Variants in BDNF observed in about 807,000 individuals in gnomAD.
BDNF encodes neurotrophic factor BDNF precursor form.
BDNF carries 1 observed loss-of-function variant against 19.5 expected under a neutral mutation model. That is an observed-to-expected ratio of 0.05 (90% CI 0.02 to 0.24). The LOEUF is 0.24. BDNF is among the 10% of genes least tolerant of loss of function. The probability of loss-of-function intolerance (pLI) is 1.00; values close to 1 mark genes in which losing one functional copy is unlikely to be tolerated. For missense variants in BDNF, 195 were observed against 317.6 expected (o/e 0.61, Z 2.93); for synonymous variants, 100 against 121.6 (o/e 0.82, Z 1.17).
At chr11:27,697,001 C>T (rs1859086855) in intron 1 of BDNF, among the ~76,000 whole-genome samples, 1 of 152,120 alleles carries the variant, frequency 6.6e-6, no homozygotes, top group Non-Finnish European at 1.5e-5. Flanking sequence ...TAATAAACTA[C>T]TTGAACATGA....
chr11:27,680,282 T>C (rs1022973614), intron 1 of BDNF, among the ~76,000 whole-genome samples: 1 of 152,072 alleles, frequency 6.6e-6, no homozygotes, highest in East Asian at 1.9e-4. Context: ...AAAAAGAGAA[T>C]GAAAAGAGGG....
intron 1 of BDNF, among the ~76,000 whole-genome samples, chr11:27,689,454 A>G (rs1857957261): frequency 6.6e-6 from 1 of 152,232 alleles, no homozygotes; most frequent in Non-Finnish European, 1.5e-5. Context: ...CATTTGGACA[A>G]GATTATTATT....
intron 1 of BDNF, among the ~76,000 whole-genome samples, chr11:27,695,882 A>G (rs1006191946): frequency 2.0e-5 from 3 of 151,956 alleles, no homozygotes; most frequent in African/African-American, 7.3e-5. Flanking sequence ...TAGAGCTTCT[A>G]CTTGAACTTA....
chr11:27,661,178 A>G (rs759272635), intron 1 of BDNF, among the ~76,000 whole-genome samples: 5 of 152,308 alleles, frequency 3.3e-5, no homozygotes, highest in South Asian at 2.1e-4. Flanking sequence ...ACAAAGTCCA[A>G]CCCCACATTG....
chr11:27,684,865 T>G (rs542198150), intron 1 of BDNF, among the ~76,000 whole-genome samples: 6 of 152,314 alleles, frequency 3.9e-5, no homozygotes, highest in African/African-American at 1.4e-4. Flanking sequence ...ATTTTATTTT[T>G]TTGCTGTGTC....
chr11:27,683,634 T>G (rs192329391), intron 1 of BDNF, among the ~76,000 whole-genome samples: 1 of 152,332 alleles, frequency 6.6e-6, no homozygotes, highest in African/African-American at 2.4e-5. Flanking sequence ...GGCTAGCCAG[T>G]TTTCCCGACA....
At chr11:27,705,272 T>A (rs1326224928), upstream of BDNF, among the ~76,000 whole-genome samples, 1 of 152,122 alleles carries the variant, frequency 6.6e-6, no homozygotes, top group African/African-American at 2.4e-5. Context: ...TAAATAGCTG[T>A]GGTATTAGTT....
intron 1 of BDNF, among the ~76,000 whole-genome samples, chr11:27,671,997 C>T (rs915510348): frequency 6.6e-6 from 1 of 152,152 alleles, no homozygotes; most frequent in Admixed American, 6.6e-5. Flanking sequence ...ATACGGTTAC[C>T]TGTCATCTTT....
At chr11:27,670,942 A>T (rs1354251792) in intron 1 of BDNF, among the ~76,000 whole-genome samples, 1 of 152,248 alleles carries the variant, frequency 6.6e-6, no homozygotes, top group Non-Finnish European at 1.5e-5. Context: ...ATGCTACTAT[A>T]AAGACACATG....
Position 27,668,021 on chromosome 11 carries a change from A to T in BDNF, c.-21-9436T>A, listed in dbSNP as rs938757837. Reference sequence around the variant, plus strand: ...AAAATTGACTACATAGTTGGAAGTAAAGCACTCCTCAGCAAATGTAAAAGA... The same window carrying T: ...AAAATTGACTACATAGTTGGAAGTATAGCACTCCTCAGCAAATGTAAAAGA... On this transcript the variant is annotated intron_variant, in intron 1 of 1. Transcript: ENST00000356660. Among the ~76,000 whole-genome samples the T allele has an allele frequency of 3.3e-5, 5 of 152,200 alleles. No homozygotes were observed. The East Asian group carries it at 9.6e-4, about 29-fold the overall frequency.
At chr11:27,697,160 C>CAGAGAGAGAGAGAGAGAGAGAGAG (rs1362364179) in intron 1 of BDNF, among the ~76,000 whole-genome samples, 1 of 117,842 alleles carries the variant, frequency 8.5e-6, no homozygotes, top group African/African-American at 2.9e-5. Context: ...CACACACACA[C>CAGAGAGAGAGAGAGAGAGAGAGAG]ACACAGAGAG....
chr11:27,698,440 T>C (rs1859445073), intron 1 of BDNF, among the ~76,000 whole-genome samples: 1 of 152,124 alleles, frequency 6.6e-6, no homozygotes, highest in South Asian at 2.1e-4. Flanking sequence ...CTAAAAATTA[T>C]GTTGCATGAG....
upstream of BDNF, chr11:27,701,609 C>A: frequency 1.0e-6 from 1 of 986,664 alleles, no homozygotes; most frequent in Non-Finnish European, 1.2e-6. Flanking sequence ...GAGCAGCCCT[C>A]TCCGCGGTGA....
chr11:27,717,017 G>C (rs1362757248), intron 1 of BDNF, among the ~76,000 whole-genome samples: 1 of 152,142 alleles, frequency 6.6e-6, no homozygotes, highest in Non-Finnish European at 1.5e-5. Flanking sequence ...CTCACTGCCT[G>C]ATTTTGGAAT....
At chr11:27,663,782 A>T (rs529609096) in intron 1 of BDNF, among the ~76,000 whole-genome samples, 1 of 152,288 alleles carries the variant, frequency 6.6e-6, no homozygotes, top group African/African-American at 2.4e-5. Flanking sequence ...CAAAATGTGG[A>T]CACTGCAGCT....
intron 1 of BDNF, among the ~76,000 whole-genome samples, chr11:27,670,069 C>A (rs1335079528): frequency 1.3e-5 from 2 of 152,092 alleles, no homozygotes; most frequent in South Asian, 2.1e-4. Flanking sequence ...AGATATAGAC[C>A]AATGGAACAG....
chr11:27,717,050 C>G (rs1189877434), intron 1 of BDNF, among the ~76,000 whole-genome samples: 1 of 152,072 alleles, frequency 6.6e-6, no homozygotes, highest in Non-Finnish European at 1.5e-5. Context: ...TAAAGCTTCC[C>G]CTAGAGGACA....
intron 1 of BDNF, among the ~76,000 whole-genome samples, chr11:27,663,193 G>A (rs780217834): frequency 5.3e-5 from 8 of 152,038 alleles, no homozygotes; most frequent in Admixed American, 2.0e-4. Flanking sequence ...TTCAACCTTC[G>A]GATGACTCTT....
intron 1 of BDNF, among the ~76,000 whole-genome samples, chr11:27,707,990 T>A (rs540246758): frequency 1.3e-5 from 2 of 152,190 alleles, no homozygotes; most frequent in East Asian, 3.8e-4. Flanking sequence ...ATAGTTTCCA[T>A]GCTGAATTAG....
Sources: allele counts gnomAD v4.1 joint callset (sites outside exome capture counted in the v4.1 genomes callset), GRCh38; gene constraint gnomAD v4.1.1; transcripts MANE v1.5; gene names NCBI Gene and HGNC (gene_info 2026-07-23, HGNC 2026-07-21).